Variants in UMODL1 observed in about 807,000 individuals in gnomAD.
UMODL1 encodes uromodulin like 1.
A neutral mutation model predicts 136.3 loss-of-function variants in UMODL1; 128 were observed. The observed-to-expected ratio is 0.94, with a 90% CI of 0.81 to 1.09. The LOEUF (loss-of-function observed/expected upper bound fraction) is 1.09. Among genes scored for constraint, UMODL1 ranks in the 50% least tolerant of loss-of-function variants. The pLI is 0.00. For missense variants in UMODL1, 1,766 were observed against 1,725.6 expected, an observed-to-expected ratio of 1.02 and a Z score of -0.41; for synonymous variants, 721 against 720.0, an observed-to-expected ratio of 1.00 and a Z score of -0.02.
At chr21:42,093,024 G>A (rs1037289712) in intron 6 of UMODL1, among the ~76,000 whole-genome samples, 6 of 152,132 alleles carry the variant, frequency 3.9e-5, no homozygotes, top group African/African-American at 7.2e-5. Flanking sequence ...GCTCTCCCCC[G>A]CCCTCGGGGG....
chr21:42,118,855 A>G (rs1283714185), intron 14 of UMODL1, among the ~76,000 whole-genome samples: 1 of 147,912 alleles, frequency 6.8e-6, no homozygotes, highest in African/African-American at 2.5e-5. Flanking sequence ...CTCGCCCCAC[A>G]GGCATCTTTC....
intron 8 of UMODL1, chr21:42,103,506 G>C (rs1301342726): frequency 2.6e-6 from 1 of 380,872 alleles, no homozygotes; most frequent in Non-Finnish European, 5.2e-6. Context: ...CCTTGGTGGG[G>C]CCTCTCCATC....
At chr21:42,104,985 G>A (rs2066694882) in intron 9 of UMODL1, among the ~76,000 whole-genome samples, 1 of 152,222 alleles carries the variant, frequency 6.6e-6, no homozygotes, top group Non-Finnish European at 1.5e-5. Flanking sequence ...AATCTGTGGA[G>A]TGGGCACCTC....
intron 2 of UMODL1, among the ~76,000 whole-genome samples, chr21:42,081,977 C>T (rs1349517834): frequency 6.6e-6 from 1 of 152,204 alleles, no homozygotes; most frequent in Non-Finnish European, 1.5e-5. Context: ...CCTCGAGCTG[C>T]ACCCAACGTT....
chr21:42,138,633 T>G (rs1001565764), intron 22 of UMODL1, among the ~76,000 whole-genome samples: 2 of 151,922 alleles, frequency 1.3e-5, no homozygotes, highest in Non-Finnish European at 2.9e-5. Flanking sequence ...TGGAGTGCAG[T>G]GGTGCGATCT....
intron 2 of UMODL1, 83 bp downstream of exon 2, chr21:42,076,330 G>A: frequency 6.3e-7 from 1 of 1,579,404 alleles, no homozygotes; most frequent in Middle Eastern, 1.8e-4. Flanking sequence ...GGCATCCATT[G>A]GCCCCGAACT....
upstream of UMODL1, among the ~76,000 whole-genome samples, chr21:42,067,922 A>G (rs756804242): frequency 2.0e-5 from 3 of 152,274 alleles, no homozygotes; most frequent in African/African-American, 7.2e-5. Context: ...GTGATAAGAA[A>G]GCCGAGCTTC....
intron 2 of UMODL1, among the ~76,000 whole-genome samples, chr21:42,076,999 A>AGG (rs1555918359): frequency 1.3e-5 from 1 of 76,188 alleles, no homozygotes; most frequent in Non-Finnish European, 2.8e-5. Flanking sequence ...CTTCCAGGGG[A>AGG]GGGGTGTGTG....
chr21:42,064,698 G>A (rs1473623001), intron 1 of UMODL1, among the ~76,000 whole-genome samples: 2 of 152,140 alleles, frequency 1.3e-5, no homozygotes, highest in Non-Finnish European at 2.9e-5. Context: ...TGGGACTGCA[G>A]GCGCCCAACA....
upstream of UMODL1, among the ~76,000 whole-genome samples, chr21:42,067,310 C>A (rs2066191235): frequency 6.6e-6 from 1 of 152,144 alleles, no homozygotes; most frequent in South Asian, 2.1e-4. Flanking sequence ...CAGTAATGGC[C>A]TTACCTACAT....
intron 21 of UMODL1, among the ~76,000 whole-genome samples, chr21:42,130,938 C>T (rs566650238): frequency 7.2e-5 from 11 of 152,114 alleles, no homozygotes; most frequent in Admixed American, 3.3e-4. Context: ...TACTCAGTCC[C>T]GAGTAACAGG....
chr21:42,125,180 G>T (rs906675947), intron 17 of UMODL1, among the ~76,000 whole-genome samples: 3 of 152,182 alleles, frequency 2.0e-5, no homozygotes, highest in Non-Finnish European at 4.4e-5. Context: ...GAACCGGGTG[G>T]ACGTCCTGAG....
chr21:42,105,080 G>A (rs1261757059), intron 9 of UMODL1, among the ~76,000 whole-genome samples: 3 of 152,312 alleles, frequency 2.0e-5, no homozygotes, highest in African/African-American at 7.2e-5. Context: ...AGGAGGTGCC[G>A]GGAAGAACTG....
chr21:42,133,907 TGTTTTGTTTTGTTTC>T (rs1396968287), intron 21 of UMODL1, among the ~76,000 whole-genome samples: 3 of 136,424 alleles, frequency 2.2e-5, no homozygotes, highest in Middle Eastern at 3.7e-3. Context: ...TGTTTTGTTT[TGTTTTGTTTTGTTTC>T]GTTTTGTTTT....
chr21:42,128,763 G>T lies in UMODL1; in HGVS notation c.3690+932G>T, dbSNP rs976607590. 9.2e-5 allele frequency among the ~76,000 whole-genome samples: 14 copies of T among 152,324 alleles called. No individual in the cohort carries two copies. The East Asian group carries it at 1.4e-3, about 15-fold the overall frequency. The stretch of plus-strand genomic sequence containing the variant: ...GCTTCGTCTCTGCAGGGAGCGGCTG[G>T]CTCTCAAGTTCTCTACAAGAGAATT... On this transcript the variant is annotated intron_variant, in intron 20 of 22. Coordinates refer to ENST00000408910, the MANE Select transcript of UMODL1 (RefSeq NM_001004416.3).
rs760504990 is a variant in UMODL1, at chr21:42,101,771, C to T, written c.1187-395C>T. On this transcript the variant is annotated intron_variant, in intron 7 of 22. Coordinates refer to ENST00000408910, the MANE Select transcript of UMODL1 (RefSeq NM_001004416.3). The stretch of plus-strand genomic sequence containing the variant: ...CTGGAACCTCCCGGGCAGGTTGGAA[C>T]CCATTGGTCACCCTGATGTTGGGGG... 6 of 456,640 alleles carry T rather than the reference C, an allele frequency of 1.3e-5. No individual in the cohort carries two copies. The Admixed American group carries it at 1.4e-4, about 11-fold the overall frequency. The allele number at this position is 456,640 out of a possible 1,614,324, so 28.3% of individuals were successfully genotyped here.
upstream of UMODL1, chr21:42,071,252 G>C: frequency 7.0e-7 from 1 of 1,427,308 alleles, no homozygotes; most frequent in Non-Finnish European, 9.2e-7. Flanking sequence ...ATGAGCCCTG[G>C]CGTAGCAGAG....
chr21:42,069,096 T>C (rs149451575), upstream of UMODL1, among the ~76,000 whole-genome samples: 312 of 152,326 alleles, frequency 2.0e-3, 1 homozygote, highest in African/African-American at 7.4e-3. Context: ...GGTTACAGTA[T>C]GGGGTTGTTT....
At chr21:42,071,105 G>A (rs747154992), upstream of UMODL1, among the ~76,000 whole-genome samples, 27 of 152,196 alleles carry the variant, frequency 1.8e-4, no homozygotes, top group Admixed American at 8.5e-4. Flanking sequence ...CCAGGGAAAC[G>A]GCCATGGCAA....
Sources: allele counts gnomAD v4.1 joint callset (sites outside exome capture counted in the v4.1 genomes callset), GRCh38; gene constraint gnomAD v4.1.1; transcripts MANE v1.5; gene names NCBI Gene and HGNC (gene_info 2026-07-23, HGNC 2026-07-21).